NRG3: variants seen among roughly 807,000 people sequenced by gnomAD.
NRG3 encodes the protein neuregulin 3, also known as pro-neuregulin-3, membrane-bound isoform.
In NRG3, 31 loss-of-function variants were observed where a neutral mutation model predicts 66.9. The ratio of observed to expected loss-of-function variants is 0.46; its 90% CI spans 0.35 to 0.63. The LOEUF (loss-of-function observed/expected upper bound fraction) is 0.63, where lower values mean the gene tolerates loss of function less well. NRG3 is among the 20% of genes least tolerant of loss of function. The probability of loss-of-function intolerance (pLI) is 0.00; values close to 1 mark genes in which losing one functional copy is unlikely to be tolerated. For synonymous variants in NRG3, 393 were observed against 359.4 expected (o/e 1.09, Z -1.06); for missense variants, 910 against 878.9 (o/e 1.04, Z -0.45).
intron 2 of NRG3, among the ~76,000 whole-genome samples, chr10:82,621,243 C>A (rs2049019191): frequency 6.6e-6 from 1 of 152,148 alleles, no homozygotes; most frequent in Non-Finnish European, 1.5e-5. Flanking sequence ...TGAAGTCAGA[C>A]CTGCTGAAGT....
intron 1 of NRG3, among the ~76,000 whole-genome samples, chr10:82,026,890 G>A (rs2062337961): frequency 6.6e-6 from 1 of 151,932 alleles, no homozygotes; most frequent in Admixed American, 6.6e-5. Flanking sequence ...GCAGAAAGGT[G>A]AAAGTCATCT....
At chr10:82,894,564 T>C (rs1230677979) in intron 4 of NRG3, among the ~76,000 whole-genome samples, 1 of 86,172 alleles carries the variant, frequency 1.2e-5, no homozygotes, top group Non-Finnish European at 2.5e-5. Context: ...ATTTTTCTCC[T>C]GTACTTAGAG....
intron 1 of NRG3, among the ~76,000 whole-genome samples, chr10:82,298,168 G>T (rs1173726428): frequency 6.6e-6 from 1 of 150,818 alleles, no homozygotes; most frequent in East Asian, 2.0e-4. Flanking sequence ...GAAAGAGAGA[G>T]GGAGAGAAAG....
intron 6 of NRG3, among the ~76,000 whole-genome samples, chr10:82,963,181 T>G (rs1022973850): frequency 2.0e-5 from 3 of 152,176 alleles, no homozygotes; most frequent in Admixed American, 6.5e-5. Context: ...ACATGTGAAT[T>G]GAGTTGTTGG....
intron 1 of NRG3, among the ~76,000 whole-genome samples, chr10:82,233,532 ACTTT>A (rs1014291466): frequency 6.6e-6 from 1 of 151,960 alleles, no homozygotes. Context: ...CTTTTCCCTC[ACTTT>A]CTTTCTATCA....
intron 2 of NRG3, among the ~76,000 whole-genome samples, chr10:82,643,295 C>A (rs1310539653): frequency 6.6e-6 from 1 of 152,052 alleles, no homozygotes; most frequent in Non-Finnish European, 1.5e-5. Context: ...CTAATGAGAT[C>A]TGATGGTTTT....
intron 2 of NRG3, among the ~76,000 whole-genome samples, chr10:82,725,359 G>C (rs1297182635): frequency 2.6e-5 from 4 of 152,146 alleles, no homozygotes; most frequent in Non-Finnish European, 5.9e-5. Context: ...TCTTGAAGTA[G>C]CTTTCAGTGC....
At chr10:82,061,664 C>A (rs751292267) in intron 1 of NRG3, among the ~76,000 whole-genome samples, 1 of 152,126 alleles carries the variant, frequency 6.6e-6, no homozygotes, top group Non-Finnish European at 1.5e-5. Context: ...TCAGTGAATG[C>A]TGGGGTATCA....
intron 1 of NRG3, among the ~76,000 whole-genome samples, chr10:82,272,853 C>T (rs1265525661): frequency 1.3e-5 from 2 of 151,892 alleles, no homozygotes; most frequent in African/African-American, 4.8e-5. Flanking sequence ...CTCTGCTGTC[C>T]TTGGATTACT....
At chr10:82,503,454 G>A (rs1844387978) in intron 2 of NRG3, among the ~76,000 whole-genome samples, 1 of 152,124 alleles carries the variant, frequency 6.6e-6, no homozygotes, top group Admixed American at 6.5e-5. Flanking sequence ...ACTTGGTAAG[G>A]CATGTATATC....
intron 1 of NRG3, among the ~76,000 whole-genome samples, chr10:82,140,697 T>C (rs1159681260): frequency 6.6e-6 from 1 of 151,702 alleles, no homozygotes; most frequent in Non-Finnish European, 1.5e-5. Context: ...ACTATTTCAC[T>C]CCAGCCTGGG....
chr10:82,350,444 C>CATGT (rs2083361226), intron 1 of NRG3, among the ~76,000 whole-genome samples: 1 of 152,150 alleles, frequency 6.6e-6, no homozygotes, highest in Non-Finnish European at 1.5e-5. Context: ...GGAGAAGGAA[C>CATGT]ATGTAAGCAG....
intron 1 of NRG3, among the ~76,000 whole-genome samples, chr10:82,318,046 A>G (rs954196979): frequency 1.3e-5 from 2 of 152,158 alleles, no homozygotes; most frequent in African/African-American, 4.8e-5. Context: ...GCAGGGGAAC[A>G]ACGAGATATG....
intron 3 of NRG3, among the ~76,000 whole-genome samples, chr10:82,793,086 T>C (rs1317361997): frequency 6.6e-6 from 1 of 152,152 alleles, no homozygotes; most frequent in Non-Finnish European, 1.5e-5. Context: ...TTTTTGAAAA[T>C]GAAGATTTAA....
At position 81,875,318 on chromosome 10, in the gene NRG3, G is replaced by T; in HGVS notation, c.-23G>T. On this transcript the variant is annotated 5_prime_UTR_variant, in exon 1 of 9. Transcript: ENST00000372141. The surrounding 1 kb of genome is among the most constrained non-coding windows in gnomAD (Gnocchi z 5.3). Reference sequence around the variant, plus strand: ...CCTCTGCCGCGGCCCTCGGGGGGGCGAAGGTGAAGACCGGCTCCTAGGATG... The same window carrying T: ...CCTCTGCCGCGGCCCTCGGGGGGGCTAAGGTGAAGACCGGCTCCTAGGATG... The T allele has an allele frequency of 1.0e-6, 1 of 984,954 alleles. No homozygotes were observed. Among genetic ancestry groups the T allele is most frequent in the South Asian group, 4.5e-5 (1 of 22,120 alleles). 61.0% of individuals were successfully genotyped at this position (984,954 alleles called of 1,614,324 possible). A position where few individuals can be genotyped will look rare whatever the true frequency, so the allele number is the denominator to read the frequency against.
intron 1 of NRG3, among the ~76,000 whole-genome samples, chr10:82,349,050 A>T (rs1389249808): frequency 1.3e-5 from 2 of 152,098 alleles, no homozygotes; most frequent in Admixed American, 6.5e-5. Context: ...GATCTTCTAA[A>T]GCCTTCTCTC....
In NRG3 at chr10:82,166,886, T is replaced by G. The variant is rs2072111558; in HGVS notation, c.824-191853T>G. The stretch of plus-strand genomic sequence containing the variant: ...CTGAAAGGTATTTTTTTCTCAGTAG[T>G]TTTTTTTTATTCCCTCCTTGGTATT... On this transcript the variant is annotated intron_variant, in intron 1 of 8. Coordinates refer to ENST00000372141, the MANE Select transcript of NRG3 (RefSeq NM_001010848.4). The G allele has an allele frequency of 7.1e-6, 4 of 564,804 alleles. No homozygotes were observed. In the Admixed American group the frequency reaches 7.6e-5, roughly 11 times the overall value. The allele number at this position is 564,804 out of a possible 1,614,324, so 35.0% of individuals were successfully genotyped here.
intron 1 of NRG3, among the ~76,000 whole-genome samples, chr10:82,278,171 C>A (rs529537071): frequency 6.6e-6 from 1 of 152,030 alleles, no homozygotes; most frequent in Non-Finnish European, 1.5e-5. Context: ...ATTAGCTAAA[C>A]CTCCAAGAAA....
intron 2 of NRG3, among the ~76,000 whole-genome samples, chr10:82,617,997 C>A (rs2048776198): frequency 6.6e-6 from 1 of 152,162 alleles, no homozygotes; most frequent in Non-Finnish European, 1.5e-5. Flanking sequence ...AGAAGTTCAC[C>A]TGTGATCTAT....
Sources: allele counts gnomAD v4.1 joint callset (sites outside exome capture counted in the v4.1 genomes callset), GRCh38; gene constraint gnomAD v4.1.1; non-coding constraint Gnocchi (gnomAD v3.1); transcripts MANE v1.5; gene names NCBI Gene and HGNC (gene_info 2026-07-23, HGNC 2026-07-21).